NGLY1: variants seen among roughly 807,000 people sequenced by gnomAD.
NGLY1 encodes the protein N-glycanase 1, also known as peptide-N(4)-(N-acetyl-beta-glucosaminyl)asparagine amidase.
NGLY1 carries 68 observed loss-of-function variants against 84.6 expected under a neutral mutation model. The observed-to-expected ratio is 0.80, with a 90% CI of 0.66 to 0.98. The LOEUF is 0.98. NGLY1 is among the 50% of genes least tolerant of loss of function. The pLI, the probability that NGLY1 is intolerant of heterozygous loss-of-function variation, is 0.00. For synonymous variants in NGLY1, 280 were observed against 275.2 expected, an observed-to-expected ratio of 1.02 and a Z score of -0.17; for missense variants, 779 against 770.2, an observed-to-expected ratio of 1.01 and a Z score of -0.14.
intron 3 of NGLY1, among the ~76,000 whole-genome samples, chr3:25,762,272 A>G (rs909863000): frequency 6.6e-6 from 1 of 152,168 alleles, no homozygotes; most frequent in African/African-American, 2.4e-5. Context: ...CAGTATCTCC[A>G]CTCAAAATGG....
At chr3:25,723,709 G>C (rs532862962) in intron 10 of NGLY1, among the ~76,000 whole-genome samples, 1 of 151,666 alleles carries the variant, frequency 6.6e-6, no homozygotes, top group African/African-American at 2.4e-5. Flanking sequence ...TCCTAACATC[G>C]TGAGTTATTT....
intron 3 of NGLY1, 27 bp from the exon 4 acceptor site, chr3:25,751,290 T>G: frequency 1.3e-6 from 2 of 1,494,176 alleles, no homozygotes; most frequent in South Asian, 2.7e-5. Flanking sequence ...AAACTGAAAT[T>G]AACTTTTCAC....
At chr3:25,732,545 A>G in intron 8 of NGLY1, 62 bp from the exon 9 acceptor site, 6 of 1,273,060 alleles carry the variant, frequency 4.7e-6, no homozygotes, top group Non-Finnish European at 6.5e-6. Flanking sequence ...TCCATCTCTA[A>G]GCAAGAATAT....
At chr3:25,767,538 T>G (rs57469615) in intron 2 of NGLY1, among the ~76,000 whole-genome samples, 6,113 of 152,194 alleles carry the variant, frequency 0.04, 383 homozygotes, top group African/African-American at 0.14. Context: ...GGTGGAAAAC[T>G]ACTCCACTGA....
chr3:25,780,895 C>T (rs557739497), intron 1 of NGLY1, among the ~76,000 whole-genome samples: 174 of 152,082 alleles, frequency 1.1e-3, no homozygotes, highest in Non-Finnish European at 2.1e-3. Flanking sequence ...CTTCGACTGG[C>T]CTTTGTTATT....
chr3:25,750,787 T>G (rs4681072), intron 4 of NGLY1, among the ~76,000 whole-genome samples: 1 of 152,172 alleles, frequency 6.6e-6, no homozygotes, highest in Non-Finnish European at 1.5e-5. Context: ...AAACAATGTA[T>G]AAGAGCAAAA....
chr3:25,760,584 G>C (rs1707261187), intron 3 of NGLY1, among the ~76,000 whole-genome samples: 1 of 152,082 alleles, frequency 6.6e-6, no homozygotes, highest in Non-Finnish European at 1.5e-5. Context: ...ACACAGGCCG[G>C]GCACGGTGGC....
In NGLY1 at chr3:25,729,332, C is replaced by A. The variant is rs1272516316; in HGVS notation, c.1426-14G>T. The A allele has an allele frequency of 1.5e-6, 2 of 1,338,130 alleles. No homozygotes were observed. Among genetic ancestry groups the A allele is most frequent in the Admixed American group, 2.9e-5 (1 of 34,744 alleles). 82.9% of individuals were successfully genotyped at this position (1,338,130 alleles called of 1,614,324 possible). Reference sequence around the variant, plus strand: ...GGTTTCTTTTCTCTTAAAAAGAAAGCAGAATTAGTTTTTCAACATTATGAA... The same window carrying A: ...GGTTTCTTTTCTCTTAAAAAGAAAGAAGAATTAGTTTTTCAACATTATGAA... On this transcript the variant is annotated splice_polypyrimidine_tract_variant and intron_variant, in intron 9 of 11. Transcript: ENST00000280700.
At chr3:25,773,695 T>G (rs183879690) in intron 2 of NGLY1, among the ~76,000 whole-genome samples, 2 of 152,294 alleles carry the variant, frequency 1.3e-5, no homozygotes, top group African/African-American at 4.8e-5. Context: ...AACCCTGTTT[T>G]GTCATATTAC....
chr3:25,756,256 T>C (rs1435667521), intron 3 of NGLY1, among the ~76,000 whole-genome samples: 1 of 152,168 alleles, frequency 6.6e-6, no homozygotes, highest in East Asian at 1.9e-4. Context: ...GGTTTGTTTC[T>C]CTCCATTGTT....
chr3:25,749,987 C>T, intron 4 of NGLY1: 1 of 570,950 alleles, frequency 1.8e-6, no homozygotes, highest in Non-Finnish European at 3.1e-6. Context: ...TATGTTACAA[C>T]CTAGATGTAC....
intron 3 of NGLY1, among the ~76,000 whole-genome samples, chr3:25,751,697 C>A (rs968468595): frequency 2.0e-5 from 3 of 152,150 alleles, no homozygotes; most frequent in Non-Finnish European, 4.4e-5. Flanking sequence ...AAGGAAGAAA[C>A]CTCCAGAGAG....
At chr3:25,755,622 G>T (rs1257096197) in intron 3 of NGLY1, 1 of 1,497,220 alleles carries the variant, frequency 6.7e-7, no homozygotes, top group Admixed American at 1.7e-5. Flanking sequence ...CACAGCCAAT[G>T]AAGCAAACCC....
rs193025690 is a variant in NGLY1 at position 25,719,986 on chromosome 3, G to A, written c.1789+28C>T. ...CTTCAGAGTGGTAAATATATATTTC[G>A]TGATTAATTCTCCAGGCAAATGCTT... On this transcript the variant is annotated intron_variant, in intron 11 of 11. Transcript: ENST00000280700. 7.1e-4 allele frequency: 1,126 copies of A among 1,578,660 alleles called. 1 individual carries two copies. Among genetic ancestry groups the A allele is most frequent in the Non-Finnish European group, 8.7e-4 (1,010 of 1,154,660 alleles).
At chr3:25,733,356 G>A (rs923716943) in intron 8 of NGLY1, among the ~76,000 whole-genome samples, 1 of 151,822 alleles carries the variant, frequency 6.6e-6, no homozygotes, top group Non-Finnish European at 1.5e-5. Context: ...CTATCAAAGG[G>A]GTATAAAACA....
intron 2 of NGLY1, among the ~76,000 whole-genome samples, chr3:25,777,368 C>T (rs997239848): frequency 7.9e-6 from 1 of 126,014 alleles, no homozygotes; most frequent in East Asian, 2.9e-4. Context: ...GCACTCCAGC[C>T]TGGGCAACAA....
chr3:25,736,751 A>T, intron 6 of NGLY1: 1 of 177,296 alleles, frequency 5.6e-6, no homozygotes, highest in Non-Finnish European at 1.2e-5. Context: ...TAGTTTACTA[A>T]ATTTTTTACA....
chr3:25,740,989 TTGGTGGTAGGTGCCTG>T (rs1216931247), intron 4 of NGLY1, among the ~76,000 whole-genome samples: 1 of 151,690 alleles, frequency 6.6e-6, no homozygotes, highest in African/African-American at 2.4e-5. Context: ...TTTTCTGGGT[TTGGTGGTAGGTGCCTG>T]TGATCCCAGC....
At chr3:25,732,143 C>T (rs1026045723) in intron 9 of NGLY1, among the ~76,000 whole-genome samples, 176 bp downstream of exon 9, 1 of 152,132 alleles carries the variant, frequency 6.6e-6, no homozygotes, top group African/African-American at 2.4e-5. Flanking sequence ...CTAACTCTTA[C>T]ACGATAATGC....
Sources: gnomAD v4.1 joint callset for allele counts (sites outside exome capture counted in the v4.1 genomes callset) on GRCh38, gnomAD v4.1.1 for gene constraint, MANE v1.5 for transcripts, NCBI Gene and HGNC (gene_info 2026-07-23, HGNC 2026-07-21) for gene names.